Variants in PSEN1 observed in about 807,000 individuals in gnomAD.
PSEN1 encodes presenilin 1.
PSEN1 carries 15 observed loss-of-function variants against 53.5 expected under a neutral mutation model. The observed-to-expected ratio is 0.28, with a 90% CI of 0.19 to 0.43. PSEN1 has a LOEUF of 0.43. PSEN1 is among the 20% of genes least tolerant of loss of function. The probability of loss-of-function intolerance (pLI) is 1.00; values close to 1 mark genes in which losing one functional copy is unlikely to be tolerated. For missense variants in PSEN1, 387 were observed against 571.2 expected (o/e 0.68, Z 3.29); for synonymous variants, 208 against 209.8 (o/e 0.99, Z 0.08).
chr14:73,199,931 G>A (rs921403167), intron 8 of PSEN1, among the ~76,000 whole-genome samples: 1 of 152,076 alleles, frequency 6.6e-6, no homozygotes, highest in African/African-American at 2.4e-5. Flanking sequence ...ATTTTTAGTG[G>A]AGACACGGTT....
intron 3 of PSEN1, among the ~76,000 whole-genome samples, chr14:73,150,458 C>T (rs1215707625): frequency 6.6e-6 from 1 of 152,128 alleles, no homozygotes; most frequent in Non-Finnish European, 1.5e-5. Flanking sequence ...TTATGTAATA[C>T]ACTTGGCATG....
At chr14:73,161,124 G>A (rs974514936) in intron 3 of PSEN1, among the ~76,000 whole-genome samples, 18 of 151,836 alleles carry the variant, frequency 1.2e-4, no homozygotes, top group African/African-American at 3.1e-4. Flanking sequence ...ATAGGCACTC[G>A]CCACCATACC....
intron 5 of PSEN1, among the ~76,000 whole-genome samples, chr14:73,184,375 C>G (rs1190965865): frequency 1.5e-5 from 2 of 129,836 alleles, no homozygotes; most frequent in African/African-American, 5.9e-5. Flanking sequence ...GACGGGGCGG[C>G]TGGCCGGGCG....
Position 73,219,465 on chromosome 14 carries a change from G to A in PSEN1, c.*176G>A. On this transcript the variant is annotated 3_prime_UTR_variant, in exon 12 of 12. Transcript: ENST00000324501. Reference sequence around the variant, plus strand: ...TTGCACTATTGGACTTTGGAAGGAGGTGCCTATAGAAAACGATTTTGAACA... The same window carrying A: ...TTGCACTATTGGACTTTGGAAGGAGATGCCTATAGAAAACGATTTTGAACA... The A allele has an allele frequency of 2.8e-6, 2 of 718,454 alleles. No individual in the cohort carries two copies. The highest frequency in any genetic ancestry group is 2.6e-5 in the East Asian group (1 of 38,332). 44.5% of individuals were successfully genotyped at this position (718,454 alleles called of 1,614,324 possible).
intron 8 of PSEN1, among the ~76,000 whole-genome samples, chr14:73,203,980 A>G (rs1222588169): frequency 2.0e-5 from 3 of 152,110 alleles, no homozygotes; most frequent in Non-Finnish European, 2.9e-5. Context: ...ATTAAAAAAC[A>G]TATTTTTTTG....
At chr14:73,196,504 C>T (rs574926076) in intron 7 of PSEN1, among the ~76,000 whole-genome samples, 2 of 105,798 alleles carry the variant, frequency 1.9e-5, no homozygotes, top group African/African-American at 7.9e-5. Flanking sequence ...TTTTTTGAGG[C>T]ACGGTCTTAC....
At chr14:73,186,950 C>G (rs780407685) in intron 6 of PSEN1, 30 bp downstream of exon 6, 6 of 1,497,250 alleles carry the variant, frequency 4.0e-6, no homozygotes, top group Non-Finnish European at 1.9e-6. Flanking sequence ...GTCTGTCTTT[C>G]AGAATTAACT....
At chr14:73,166,097 C>T (rs916322564) in intron 3 of PSEN1, among the ~76,000 whole-genome samples, 2 of 151,924 alleles carry the variant, frequency 1.3e-5, no homozygotes, top group South Asian at 2.1e-4. Flanking sequence ...TAGTATCCAG[C>T]GTACTACAAA....
intron 1 of PSEN1, among the ~76,000 whole-genome samples, chr14:73,145,920 A>G (rs183652602): frequency 2.1e-3 from 313 of 152,144 alleles, no homozygotes; most frequent in Non-Finnish European, 3.2e-3. Context: ...CAGCCTGGCC[A>G]ACATGGTGAA....
At chr14:73,205,764 C>A (rs1245008100) in intron 8 of PSEN1, among the ~76,000 whole-genome samples, 1 of 152,186 alleles carries the variant, frequency 6.6e-6, no homozygotes, top group Non-Finnish European at 1.5e-5. Context: ...AAAGTTTTCA[C>A]AATGTCTCTG....
intron 1 of PSEN1, among the ~76,000 whole-genome samples, chr14:73,141,316 GA>G (rs146373308): frequency 5.3e-4 from 76 of 143,396 alleles, no homozygotes; most frequent in Admixed American, 6.3e-4. Context: ...GATGGAAGGA[GA>G]AAAAAAAAAA....
At chr14:73,185,674 C>G (rs929584329) in intron 5 of PSEN1, among the ~76,000 whole-genome samples, 1 of 152,112 alleles carries the variant, frequency 6.6e-6, no homozygotes, top group East Asian at 1.9e-4. Context: ...TTTCTTTTCT[C>G]ATAGTTCCAG....
intron 3 of PSEN1, among the ~76,000 whole-genome samples, chr14:73,149,045 C>T (rs763528319): frequency 2.2e-4 from 33 of 152,198 alleles, no homozygotes; most frequent in Non-Finnish European, 3.7e-4. Context: ...TAGAGGTGGA[C>T]CCAGAATAGA....
At chr14:73,205,198 C>T (rs935503617) in intron 8 of PSEN1, among the ~76,000 whole-genome samples, 31 of 151,136 alleles carry the variant, frequency 2.1e-4, no homozygotes, top group African/African-American at 6.8e-4. Context: ...GTGACCAGGC[C>T]GGGCGTGGTG....
At chr14:73,194,425 T>TA (rs35230037) in intron 7 of PSEN1, among the ~76,000 whole-genome samples, 4 of 151,556 alleles carry the variant, frequency 2.6e-5, no homozygotes, top group African/African-American at 4.8e-5. Context: ...CCTAATTTTT[T>TA]AAAAAAAAAT....
intron 7 of PSEN1, 114 bp from the exon 8 acceptor site, chr14:73,197,917 A>G: frequency 1.5e-6 from 1 of 664,086 alleles, no homozygotes; most frequent in Non-Finnish European, 2.7e-6. Flanking sequence ...CTTTTTGTGT[A>G]AAAAGAGACA....
At chr14:73,145,622 G>C (rs995660698) in intron 1 of PSEN1, among the ~76,000 whole-genome samples, 1 of 152,132 alleles carries the variant, frequency 6.6e-6, no homozygotes, top group East Asian at 1.9e-4. Context: ...TTACAGGCAT[G>C]AGCCACCGAG....
intron 3 of PSEN1, among the ~76,000 whole-genome samples, chr14:73,148,971 A>G (rs1477248029): frequency 6.6e-6 from 1 of 152,044 alleles, no homozygotes; most frequent in Non-Finnish European, 1.5e-5. Flanking sequence ...AGAGAAAAAG[A>G]AAGAAAAGAA....
chr14:73,177,461 GGATTACAGGCGTGAGCC>G (rs1224120839), intron 5 of PSEN1, among the ~76,000 whole-genome samples: 1 of 152,140 alleles, frequency 6.6e-6, no homozygotes, highest in Non-Finnish European at 1.5e-5. Context: ...AAGAGTGCTA[GGATTACAGGCGTGAGCC>G]GCTATGCCAG....
Sources: gnomAD v4.1 joint callset for allele counts (sites outside exome capture counted in the v4.1 genomes callset) on GRCh38, gnomAD v4.1.1 for gene constraint, MANE v1.5 for transcripts, NCBI Gene and HGNC (gene_info 2026-07-23, HGNC 2026-07-21) for gene names.